TRIM43B: variants seen among roughly 807,000 people sequenced by gnomAD.
TRIM43B encodes tripartite motif containing 43B.
In TRIM43B, 15 loss-of-function variants were observed where a neutral mutation model predicts 27.0. The observed-to-expected ratio is 0.55, with a 90% CI of 0.37 to 0.85. The LOEUF (loss-of-function observed/expected upper bound fraction) is 0.85, where lower values mean the gene tolerates loss of function less well. Among genes scored for constraint, TRIM43B ranks in the 40% least tolerant of loss-of-function variants. The probability of loss-of-function intolerance (pLI) is 0.00; values close to 1 mark genes in which losing one functional copy is unlikely to be tolerated. For synonymous variants in TRIM43B, 69 were observed against 97.8 expected, an observed-to-expected ratio of 0.71 and a Z score of 1.74; for missense variants, 172 against 289.8, an observed-to-expected ratio of 0.59 and a Z score of 2.95.
intron 1 of TRIM43B, among the ~76,000 whole-genome samples, chr2:95,483,896 TTTGC>T (rs1466059621): frequency 6.6e-6 from 1 of 151,684 alleles, no homozygotes; most frequent in African/African-American, 2.4e-5. Context: ...AAATGTATGT[TTTGC>T]TAAAATACAA....
Position 95,481,798 on chromosome 2 carries a change from G to A in TRIM43B, c.412-108C>T, listed in dbSNP as rs553444765. 1.7e-4 allele frequency: 190 copies of A among 1,144,294 alleles called. 3 individuals are homozygous for A. In the Middle Eastern group the frequency reaches 4.9e-3, roughly 30 times the overall value. 70.9% of individuals were successfully genotyped at this position (1,144,294 alleles called of 1,614,324 possible). A position where few individuals can be genotyped will look rare whatever the true frequency, so the allele number is the denominator to read the frequency against. The stretch of plus-strand genomic sequence containing the variant: ...ATATATAAATACATTAGTGAGAGGA[G>A]AAAAAAACAAAATTTTTCATTGCTC... On this transcript the variant is annotated intron_variant, in intron 2 of 6. Coordinates refer to ENST00000639673, the Ensembl canonical transcript of TRIM43B.
intron 1 of TRIM43B, among the ~76,000 whole-genome samples, chr2:95,483,966 T>C (rs1683588608): frequency 6.6e-6 from 1 of 151,438 alleles, no homozygotes; most frequent in Non-Finnish European, 1.5e-5. Context: ...CCCAGCATTT[T>C]GGGAGGCCAA....
chr2:95,481,589 A>G lies in TRIM43B; in HGVS notation c.507+6T>C, dbSNP rs1217267092. ...TGGTCAGGAGGACTCACGGTCTCAT[A>G]CTTACCCTCAAGAGGAAGGCTGTTC... On this transcript the variant is annotated splice_donor_region_variant and intron_variant, in intron 3 of 6. Coordinates refer to ENST00000639673, the Ensembl canonical transcript of TRIM43B. 14 of 1,609,886 alleles carry G rather than the reference A, an allele frequency of 8.7e-6. No homozygotes were observed. The highest frequency in any genetic ancestry group is 9.3e-6 in the Non-Finnish European group (11 of 1,178,084).
chr2:95,481,242 C>T (rs565209569), intron 3 of TRIM43B, among the ~76,000 whole-genome samples: 4 of 152,170 alleles, frequency 2.6e-5, no homozygotes, highest in South Asian at 2.1e-4. Context: ...TGTTCCCACC[C>T]GATTTCTTCC....
chr2:95,483,268 C>T (rs1683570830), intron 1 of TRIM43B, among the ~76,000 whole-genome samples: 1 of 152,066 alleles, frequency 6.6e-6, no homozygotes, highest in South Asian at 2.1e-4. Context: ...GAAAAACAGT[C>T]AAATCAAGGT....
chr2:95,481,652 C>G, exon 3 of TRIM43B: 10 of 1,612,496 alleles, frequency 6.2e-6, no homozygotes, highest in Non-Finnish European at 8.5e-6. Context: ...TTTCTTGAAT[C>G]TTTTTCCATA....
intron 4 of TRIM43B, 84 bp downstream of exon 4, chr2:95,480,221 A>G: frequency 1.3e-6 from 2 of 1,495,798 alleles, no homozygotes; most frequent in Non-Finnish European, 1.8e-6. Context: ...AGATGAGGAA[A>G]TAATGTCTTT....
At chr2:95,484,494 T>C (rs1470979183) in intron 1 of TRIM43B, 112 bp downstream of exon 1, 1 of 151,954 alleles carries the variant, frequency 6.6e-6, no homozygotes, top group Non-Finnish European at 1.5e-5. Flanking sequence ...ACTCGGAAAA[T>C]GAGATCATTC....
rs1266602791 is a variant in TRIM43B at position 95,480,600 on chromosome 2, C to A, written c.508-65G>T. ...TACTTCCACCTCACAGAGCCCACAACTTCATCCTCCTCATTCCTTCTTTTA... is the reference window on the plus strand; with the variant it reads ...TACTTCCACCTCACAGAGCCCACAAATTCATCCTCCTCATTCCTTCTTTTA... On this transcript the variant is annotated intron_variant, in intron 3 of 6. Coordinates refer to ENST00000639673, the Ensembl canonical transcript of TRIM43B. 3.2e-6 allele frequency: 5 copies of A among 1,579,476 alleles called. No individual in the cohort carries two copies. In the Admixed American group the frequency reaches 5.2e-5, roughly 17 times the overall value.
rs778416098 is a variant in TRIM43B, at chr2:95,480,543, G to A, written c.508-8C>T. The A allele has an allele frequency of 3.1e-6, 5 of 1,606,320 alleles. No individual in the cohort carries two copies. The African/African-American group carries it at 6.7e-5, about 22-fold the overall frequency. ...CCGTAAAACCACATCGCCCTGTAGGGATATGAATTTTGTAGGTTATATACC... is the reference window on the plus strand; with the variant it reads ...CCGTAAAACCACATCGCCCTGTAGGAATATGAATTTTGTAGGTTATATACC... On this transcript the variant is annotated splice_polypyrimidine_tract_variant and splice_region_variant and intron_variant, in intron 3 of 6. Transcript: ENST00000639673.
At chr2:95,481,546 A>G (rs1272462787) in intron 3 of TRIM43B, 49 bp downstream of exon 3, 2 of 1,444,390 alleles carry the variant, frequency 1.4e-6, no homozygotes, top group Non-Finnish European at 1.9e-6. Context: ...AAATGTTGTC[A>G]GCATGCCTGT....
At chr2:95,481,570 G>A in intron 3 of TRIM43B, 25 bp downstream of exon 3, 1 of 1,587,762 alleles carries the variant, frequency 6.3e-7, no homozygotes, top group Non-Finnish European at 8.6e-7. Flanking sequence ...AAGCTGGTCA[G>A]GAGGACTCAC....
exon 4 of TRIM43B, chr2:95,480,467 C>G: frequency 1.2e-6 from 2 of 1,603,550 alleles, no homozygotes; most frequent in Non-Finnish European, 1.7e-6. Context: ...GTTTTTCTTC[C>G]TTATGGAGAA....
At chr2:95,483,077 G>C (rs1201672983) in intron 1 of TRIM43B, among the ~76,000 whole-genome samples, 1 of 152,132 alleles carries the variant, frequency 6.6e-6, no homozygotes, top group Non-Finnish European at 1.5e-5. Context: ...ATCAGTAACA[G>C]TCTTCATTGC....
At chr2:95,482,949 A>G (rs1683562465) in intron 1 of TRIM43B, among the ~76,000 whole-genome samples, 1 of 152,106 alleles carries the variant, frequency 6.6e-6, no homozygotes, top group African/African-American at 2.4e-5. Flanking sequence ...TCCAAACTCT[A>G]CTTTCTTGCA....
chr2:95,481,329 AT>A (rs1325848472), intron 3 of TRIM43B, among the ~76,000 whole-genome samples: 2 of 152,140 alleles, frequency 1.3e-5, no homozygotes, highest in Non-Finnish European at 2.9e-5. Context: ...TTCATAATTC[AT>A]TTTATACAGA....
At chr2:95,483,588 G>T (rs1328547927) in intron 1 of TRIM43B, among the ~76,000 whole-genome samples, 3 of 151,296 alleles carry the variant, frequency 2.0e-5, no homozygotes, top group Admixed American at 6.6e-5. Context: ...GGAGGCCGAG[G>T]TGGCTGAGGC....
chr2:95,481,528 G>C, intron 3 of TRIM43B, 67 bp downstream of exon 3: 1 of 1,194,238 alleles, frequency 8.4e-7, no homozygotes. Context: ...AACTCAAGTT[G>C]CTAATATAAA....
intron 2 of TRIM43B, 66 bp from the exon 3 acceptor site, chr2:95,481,756 A>C (rs1014140256): frequency 1.1e-5 from 17 of 1,533,760 alleles, no homozygotes; most frequent in South Asian, 3.7e-5. Context: ...GAGTGGTATA[A>C]GCAGGCAAGG....
Sources: gnomAD v4.1 joint callset for allele counts (sites outside exome capture counted in the v4.1 genomes callset) on GRCh38, gnomAD v4.1.1 for gene constraint, MANE v1.5 for transcripts, NCBI Gene and HGNC (gene_info 2026-07-23, HGNC 2026-07-21) for gene names.